BBS9: variants seen among roughly 807,000 people sequenced by gnomAD.
BBS9 encodes the protein protein PTHB1.
A neutral mutation model predicts 117.7 loss-of-function variants in BBS9; 89 were observed. The observed-to-expected ratio is 0.76, with a 90% CI of 0.64 to 0.90. The LOEUF (loss-of-function observed/expected upper bound fraction) is 0.90. Among genes scored for constraint, BBS9 ranks in the 40% least tolerant of loss-of-function variants. BBS9 has a pLI of 0.00. For missense variants in BBS9, 982 were observed against 1,042.2 expected (o/e 0.94, Z 0.80); for synonymous variants, 379 against 370.9 (o/e 1.02, Z -0.25).
intron 16 of BBS9, among the ~76,000 whole-genome samples, chr7:33,363,438 C>A (rs969425152): frequency 1.1e-4 from 17 of 152,288 alleles, no homozygotes; most frequent in African/African-American, 3.9e-4. Flanking sequence ...TTGTATCATG[C>A]AACATTGTTA....
chr7:33,535,411 T>C (rs1465349414), intron 21 of BBS9, among the ~76,000 whole-genome samples: 2 of 152,210 alleles, frequency 1.3e-5, no homozygotes, highest in East Asian at 3.8e-4. Context: ...GAAAAATAGC[T>C]GGTTTGGGGT....
intron 19 of BBS9, among the ~76,000 whole-genome samples, chr7:33,398,738 A>T (rs1828422629): frequency 6.6e-6 from 1 of 152,202 alleles, no homozygotes; most frequent in Admixed American, 6.5e-5. Flanking sequence ...ATTTTATTTA[A>T]TTAATTAATT....
chr7:33,324,905 T>C (rs1460922581), intron 9 of BBS9, among the ~76,000 whole-genome samples: 4 of 152,230 alleles, frequency 2.6e-5, no homozygotes, highest in African/African-American at 7.2e-5. Context: ...TTTAGGATCC[T>C]TTCTTTATCC....
At chr7:33,441,954 T>C (rs1437314541) in intron 19 of BBS9, among the ~76,000 whole-genome samples, 1 of 151,614 alleles carries the variant, frequency 6.6e-6, no homozygotes, top group Non-Finnish European at 1.5e-5. Flanking sequence ...TGCAATGGCA[T>C]GATCCTGGCT....
At chr7:33,381,456 A>G (rs931503694) in intron 17 of BBS9, among the ~76,000 whole-genome samples, 1 of 152,204 alleles carries the variant, frequency 6.6e-6, no homozygotes, top group Non-Finnish European at 1.5e-5. Context: ...GAAAGTAAAT[A>G]AATACAATCT....
intron 9 of BBS9, among the ~76,000 whole-genome samples, chr7:33,294,904 T>C (rs892548993): frequency 1.3e-5 from 2 of 152,232 alleles, no homozygotes; most frequent in African/African-American, 4.8e-5. Flanking sequence ...TTTTGCCAAA[T>C]GCTTTTTCAA....
intron 19 of BBS9, among the ~76,000 whole-genome samples, chr7:33,484,660 G>A (rs528802563): frequency 6.6e-6 from 1 of 152,278 alleles, no homozygotes; most frequent in Admixed American, 6.5e-5. Context: ...CGAGGTTGTG[G>A]AGAAGGAAAA....
At chr7:33,374,901 CAAAAAAA>C (rs954530141) in intron 17 of BBS9, among the ~76,000 whole-genome samples, 1 of 64,530 alleles carries the variant, frequency 1.5e-5, no homozygotes, top group East Asian at 5.9e-4. Context: ...AACTCCGTCT[CAAAAAAA>C]AAAAAAAAAA....
intron 6 of BBS9, among the ~76,000 whole-genome samples, chr7:33,262,801 C>A (rs1460296072): frequency 6.6e-6 from 1 of 152,138 alleles, no homozygotes. Flanking sequence ...CCTTCTTTAC[C>A]AGCGTGATAG....
intron 19 of BBS9, among the ~76,000 whole-genome samples, chr7:33,504,021 T>C (rs995980449): frequency 6.6e-6 from 1 of 152,194 alleles, no homozygotes; most frequent in African/African-American, 2.4e-5. Context: ...GACATTATTA[T>C]AGTAATGTTT....
chr7:33,629,766 T>C (rs969965612), intron 21 of BBS9, among the ~76,000 whole-genome samples: 4 of 152,212 alleles, frequency 2.6e-5, no homozygotes, highest in African/African-American at 9.6e-5. Context: ...AACGTTAAAA[T>C]TGCATTTCTG....
intron 20 of BBS9, among the ~76,000 whole-genome samples, chr7:33,522,108 G>A (rs1393945436): frequency 1.3e-5 from 2 of 151,604 alleles, no homozygotes; most frequent in Non-Finnish European, 2.9e-5. Flanking sequence ...AGTATTCCAT[G>A]GTGTATATGT....
chr7:33,486,136 A>G (rs551059558), intron 19 of BBS9, among the ~76,000 whole-genome samples: 6 of 152,346 alleles, frequency 3.9e-5, no homozygotes, highest in African/African-American at 1.2e-4. Flanking sequence ...ACCCTCTGCC[A>G]GAGTTGAGTC....
At position 33,605,081 on chromosome 7, in the gene BBS9, C is replaced by T. The variant is rs142169701; in HGVS notation, c.2632+106C>T. 4.1e-5 allele frequency: 60 copies of T among 1,462,686 alleles called. 1 individual carries two copies. The highest frequency in any genetic ancestry group is 5.2e-5 in the Non-Finnish European group (54 of 1,042,770). The allele number at this position is 1,462,686 out of a possible 1,614,324, so 90.6% of individuals were successfully genotyped here. A position where few individuals can be genotyped will look rare whatever the true frequency, so the allele number is the denominator to read the frequency against. ...GCATTCCGCAAAGCTGCTTGTTTTCCAATTTCTTCATTCTTCCCCTTAGCA... is the reference window on the plus strand; with the variant it reads ...GCATTCCGCAAAGCTGCTTGTTTTCTAATTTCTTCATTCTTCCCCTTAGCA... On this transcript the variant is annotated intron_variant, in intron 22 of 22. Coordinates refer to ENST00000242067, the MANE Select transcript of BBS9 (RefSeq NM_198428.3).
rs1278030319 is a variant in BBS9, at chr7:33,604,983, A to C, written c.2632+8A>C. ...CAGAGACACCCAGGCCTGGTAAGAG[A>C]CTGGATGGCCTTCACAAGCGTTAGT... On this transcript the variant is annotated splice_region_variant and intron_variant, in intron 22 of 22. Coordinates refer to ENST00000242067, the MANE Select transcript of BBS9 (RefSeq NM_198428.3). 1.3e-6 allele frequency: 2 copies of C among 1,593,618 alleles called. No individual in the cohort carries two copies. Among genetic ancestry groups the C allele is most frequent in the Middle Eastern group, 1.7e-4 (1 of 6,016 alleles).
intron 21 of BBS9, among the ~76,000 whole-genome samples, chr7:33,571,629 A>G (rs1476875629): frequency 1.3e-5 from 2 of 152,000 alleles, no homozygotes; most frequent in Non-Finnish European, 2.9e-5. Context: ...GAGGAAGTTT[A>G]TATTTTTTTA....
intron 21 of BBS9, among the ~76,000 whole-genome samples, chr7:33,580,697 A>G (rs1468361246): frequency 1.3e-5 from 2 of 152,202 alleles, no homozygotes; most frequent in Non-Finnish European, 2.9e-5. Context: ...AAACTGGCAG[A>G]TGGGAGTTAT....
intron 19 of BBS9, among the ~76,000 whole-genome samples, chr7:33,485,288 C>T (rs1008937531): frequency 2.6e-5 from 4 of 151,426 alleles, no homozygotes; most frequent in African/African-American, 9.7e-5. Flanking sequence ...CATGCATGTA[C>T]CCTGGAACTT....
At chr7:33,531,345 A>G (rs915973180) in intron 20 of BBS9, among the ~76,000 whole-genome samples, 3 of 152,172 alleles carry the variant, frequency 2.0e-5, no homozygotes, top group African/African-American at 7.2e-5. Flanking sequence ...AGTGCACTCA[A>G]TGTGAATCAA....
Sources: allele counts gnomAD v4.1 joint callset (sites outside exome capture counted in the v4.1 genomes callset), GRCh38; gene constraint gnomAD v4.1.1; transcripts MANE v1.5; gene names NCBI Gene and HGNC (gene_info 2026-07-23, HGNC 2026-07-21).